The following ANKMY2 variants were observed in gnomAD, a reference collection of about 807,000 sequenced individuals.
ANKMY2 encodes ankyrin repeat and MYND domain-containing protein 2.
Under a neutral mutation model 50.4 loss-of-function variants are expected in ANKMY2, and 36 were observed. The ratio of observed to expected loss-of-function variants is 0.71; its 90% CI spans 0.55 to 0.94. The LOEUF (loss-of-function observed/expected upper bound fraction) is 0.94, where lower values mean the gene tolerates loss of function less well. Ranked by LOEUF, ANKMY2 falls within the 40% of genes least tolerant of loss-of-function variation. The pLI is 0.00. For synonymous variants in ANKMY2, 187 were observed against 178.8 expected, an observed-to-expected ratio of 1.05 and a Z score of -0.36; for missense variants, 565 against 524.0, an observed-to-expected ratio of 1.08 and a Z score of -0.76.
At chr7:16,601,839 T>A (rs1387646728) in intron 9 of ANKMY2, among the ~76,000 whole-genome samples, 1 of 152,080 alleles carries the variant, frequency 6.6e-6, no homozygotes, top group Non-Finnish European at 1.5e-5. Context: ...TCACAAAACC[T>A]CAAGAGGGAT....
chr7:16,627,181 T>G lies in ANKMY2; in HGVS notation c.133-3A>C. 6.4e-7 allele frequency: 1 copy of G among 1,568,960 alleles called. No homozygotes were observed. The highest frequency in any genetic ancestry group is 8.7e-7 in the Non-Finnish European group (1 of 1,153,858). On this transcript the variant is annotated splice_region_variant and splice_polypyrimidine_tract_variant and intron_variant, in intron 2 of 9. Coordinates refer to ENST00000306999, the MANE Select transcript of ANKMY2 (RefSeq NM_020319.3). ...TGCATTAGAGGAGTCATTCCATTCT[T>G]TAATAGAAAGAGGAAAAAAGTATTA...
intron 9 of ANKMY2, 121 bp downstream of exon 9, chr7:16,602,259 T>C: frequency 1.7e-6 from 2 of 1,191,846 alleles, no homozygotes; most frequent in Non-Finnish European, 2.3e-6. Flanking sequence ...ATGTGATTCT[T>C]ACATCGGTCA....
intron 4 of ANKMY2, among the ~76,000 whole-genome samples, chr7:16,624,638 G>C (rs947798821): frequency 1.3e-5 from 2 of 152,102 alleles, no homozygotes; most frequent in African/African-American, 4.8e-5. Flanking sequence ...TTGCTATCAC[G>C]TGGCACAGCC....
At chr7:16,617,811 T>A (rs1781377491) in intron 4 of ANKMY2, among the ~76,000 whole-genome samples, 1 of 151,582 alleles carries the variant, frequency 6.6e-6, no homozygotes, top group Non-Finnish European at 1.5e-5. Flanking sequence ...ACAAATAATT[T>A]AAAAAATTAG....
intron 1 of ANKMY2, among the ~76,000 whole-genome samples, chr7:16,636,800 C>T (rs1038837166): frequency 6.6e-6 from 1 of 152,112 alleles, no homozygotes; most frequent in Non-Finnish European, 1.5e-5. Context: ...TCCAAATCAC[C>T]ATCTGAAGCT....
intron 5 of ANKMY2, among the ~76,000 whole-genome samples, chr7:16,614,493 T>A (rs1187920234): frequency 6.6e-6 from 1 of 152,164 alleles, no homozygotes. Flanking sequence ...GCCTAGAAAA[T>A]TAATTTGGGT....
chr7:16,610,730 T>C lies in ANKMY2; in HGVS notation c.565A>G (p.Thr189Ala). The C allele has an allele frequency of 6.2e-7, 1 of 1,613,896 alleles. No homozygotes were observed. Among genetic ancestry groups the C allele is most frequent in the Non-Finnish European group, 8.5e-7 (1 of 1,179,926 alleles). ...CATTTATTCAGGGCTGCTTCTTCTG[T>C]CAGCAGAGGATTCTCATTTACAAGC... The part of the protein sequence containing the change: ...VMLVNENPLL[T>A]EEAALNKCYR... Residue 189 changes from threonine to alanine, a missense_variant, in exon 6 of 10, where the codon ACA (threonine) becomes GCA (alanine). By Grantham distance (58) the Thr-to-Ala change is moderately conservative (BLOSUM62 0). Transcript: ENST00000306999.
At chr7:16,644,878 C>T (rs1562469834) in intron 1 of ANKMY2, 2 of 356,156 alleles carry the variant, frequency 5.6e-6, no homozygotes, top group East Asian at 1.6e-4. Flanking sequence ...GCAACGTGGG[C>T]CGAGGGGTGG....
chr7:16,607,599 C>T (rs867884403), intron 7 of ANKMY2, among the ~76,000 whole-genome samples: 35 of 151,226 alleles, frequency 2.3e-4, no homozygotes, highest in African/African-American at 8.5e-4. Context: ...TAATTATACT[C>T]TATAAACTCT....
intron 7 of ANKMY2, among the ~76,000 whole-genome samples, chr7:16,607,288 G>A (rs1222930626): frequency 7.9e-5 from 12 of 152,100 alleles, no homozygotes; most frequent in East Asian, 1.9e-4. Context: ...ACTCTAGGCC[G>A]GGTACGGTGG....
intron 5 of ANKMY2, among the ~76,000 whole-genome samples, chr7:16,610,992 T>G (rs1198711389): frequency 6.6e-6 from 1 of 152,254 alleles, no homozygotes; most frequent in Non-Finnish European, 1.5e-5. Flanking sequence ...AGTTATAATG[T>G]GATCTTCCAT....
intron 9 of ANKMY2, among the ~76,000 whole-genome samples, chr7:16,602,055 G>C (rs1359766545): frequency 6.6e-6 from 1 of 152,068 alleles, no homozygotes; most frequent in African/African-American, 2.4e-5. Flanking sequence ...CTTATTCAAA[G>C]ACTTTAAAAT....
chr7:16,637,094 T>C (rs748300896), intron 1 of ANKMY2, among the ~76,000 whole-genome samples: 3 of 152,228 alleles, frequency 2.0e-5, no homozygotes, highest in Admixed American at 6.5e-5. Context: ...CAGTCTTCTA[T>C]AAGGCATAAT....
At chr7:16,604,989 C>T in intron 7 of ANKMY2, 140 bp from the exon 8 acceptor site, 2 of 809,272 alleles carry the variant, frequency 2.5e-6, no homozygotes, top group Non-Finnish European at 1.7e-6. Context: ...ATTACACAGG[C>T]TTTAAGACAA....
At chr7:16,613,196 G>A (rs1412193675) in intron 5 of ANKMY2, among the ~76,000 whole-genome samples, 1 of 152,130 alleles carries the variant, frequency 6.6e-6, no homozygotes, top group Non-Finnish European at 1.5e-5. Context: ...GAAAACAAAT[G>A]CATCCTTATT....
At chr7:16,602,739 C>T (rs1478855442) in intron 8 of ANKMY2, among the ~76,000 whole-genome samples, 9 of 152,100 alleles carry the variant, frequency 5.9e-5, no homozygotes, top group East Asian at 1.9e-4. Flanking sequence ...ATCATGGGGG[C>T]GGTTTTCTCA....
chr7:16,637,593 CAGTT>C (rs1212811094), intron 1 of ANKMY2, among the ~76,000 whole-genome samples: 1 of 152,152 alleles, frequency 6.6e-6, no homozygotes, highest in Non-Finnish European at 1.5e-5. Flanking sequence ...CATCTGAAAG[CAGTT>C]AGTATCACTG....
intron 7 of ANKMY2, among the ~76,000 whole-genome samples, chr7:16,607,653 C>T (rs549836955): frequency 1.5e-4 from 23 of 149,770 alleles, no homozygotes; most frequent in African/African-American, 4.9e-4. Flanking sequence ...ACTTGTTGAC[C>T]ACAATATTGA....
intron 4 of ANKMY2, among the ~76,000 whole-genome samples, chr7:16,621,425 T>C (rs1781433545): frequency 6.6e-6 from 1 of 152,218 alleles, no homozygotes; most frequent in South Asian, 2.1e-4. Context: ...TAAAAGAGAA[T>C]TTAACTTACC....
Sources: allele counts gnomAD v4.1 joint callset (sites outside exome capture counted in the v4.1 genomes callset), GRCh38; gene constraint gnomAD v4.1.1; transcripts MANE v1.5; gene names NCBI Gene and HGNC (gene_info 2026-07-23, HGNC 2026-07-21).